The following PTPN6 variants were observed in gnomAD, a reference collection of about 807,000 sequenced individuals.
PTPN6 encodes the protein tyrosine-protein phosphatase non-receptor type 6.
PTPN6 carries 18 observed loss-of-function variants against 81.5 expected under a neutral mutation model. The observed-to-expected ratio is 0.22, with a 90% CI of 0.15 to 0.33. The LOEUF is 0.33. PTPN6 is among the 10% of genes least tolerant of loss of function. The probability of loss-of-function intolerance (pLI) is 1.00; values close to 1 mark genes in which losing one functional copy is unlikely to be tolerated. For synonymous variants in PTPN6, 301 were observed against 310.9 expected, an observed-to-expected ratio of 0.97 and a Z score of 0.33; for missense variants, 500 against 794.2, an observed-to-expected ratio of 0.63 and a Z score of 4.45.
Position 6,957,328 on chromosome 12 carries a change from G to A in PTPN6, c.1075-326G>A, listed in dbSNP as rs1340004768. The stretch of plus-strand genomic sequence containing the variant: ...GTCTCCCCCGGTCACCTGTCTCTGT[G>A]AGCTCCTCGAGGCACAGGGGCACAG... On this transcript the variant is annotated intron_variant, in intron 9 of 15. Coordinates refer to ENST00000318974, the MANE Select transcript of PTPN6 (RefSeq NM_002831.6). The surrounding 1 kb of genome is among the most constrained non-coding windows in gnomAD (Gnocchi z 6.5). Among the ~76,000 whole-genome samples, 4 of 152,216 alleles carry A rather than the reference G, an allele frequency of 2.6e-5. No homozygotes were observed. Among genetic ancestry groups the A allele is most frequent in the Admixed American group, 2.6e-4 (4 of 15,282 alleles).
upstream of PTPN6, among the ~76,000 whole-genome samples, chr12:6,948,570 AAAG>A (rs1185998628): frequency 6.6e-6 from 1 of 151,924 alleles, no homozygotes. Flanking sequence ...AAGGAAAGAA[AAAG>A]AAAAAGTGAC....
At chr12:6,949,538 G>A (rs1367272276), upstream of PTPN6, among the ~76,000 whole-genome samples, 1 of 152,154 alleles carries the variant, frequency 6.6e-6, no homozygotes, top group Non-Finnish European at 1.5e-5. Flanking sequence ...TAACATCTCT[G>A]AGTCTTAGTT....
chr12:6,946,955 C>A (rs193265251), upstream of PTPN6, among the ~76,000 whole-genome samples: 9 of 152,350 alleles, frequency 5.9e-5, no homozygotes, highest in Admixed American at 5.9e-4. Flanking sequence ...TTCCCCTGGA[C>A]AAGTGTGTAT....
chr12:6,951,577 C>A lies in PTPN6; in HGVS notation c.9-32C>A, dbSNP rs924528361. The stretch of plus-strand genomic sequence containing the variant: ...GCAAGGGTGCCTGGTGCCCACGGGA[C>A]CCCTCCTCACTGCCCTGCCTGGGCC... On this transcript the variant is annotated intron_variant, in intron 1 of 15. Transcript: ENST00000318974. The surrounding 1 kb of genome is among the most constrained non-coding windows in gnomAD (Gnocchi z 7.2). 2 of 1,613,784 alleles carry A rather than the reference C, an allele frequency of 1.2e-6. No homozygotes were observed. The highest frequency in any genetic ancestry group is 3.3e-4 in the Middle Eastern group (2 of 6,058).
At position 6,955,368 on chromosome 12, in the gene PTPN6, C is replaced by G; in HGVS notation, c.634-4C>G. 1.2e-6 allele frequency: 2 copies of G among 1,613,902 alleles called. 1 individual carries two copies. Among genetic ancestry groups the G allele is most frequent in the East Asian group, 4.5e-5 (2 of 44,864 alleles). On this transcript the variant is annotated splice_polypyrimidine_tract_variant and splice_region_variant and intron_variant, in intron 5 of 15. Coordinates refer to ENST00000318974, the MANE Select transcript of PTPN6 (RefSeq NM_002831.6). This position sits in a 1 kb window ranked among gnomAD's most constrained non-coding sequence, Gnocchi z 7.2. ...TGCTGACTTCTCGCTCTTCCCCACC[C>G]CAGCCGTACTATGCCACGAGGGTGA...
upstream of PTPN6, chr12:6,951,243 C>T: frequency 2.8e-6 from 4 of 1,433,130 alleles, no homozygotes; most frequent in South Asian, 1.5e-5. This position sits in a 1 kb window ranked among gnomAD's most constrained non-coding sequence, Gnocchi z 7.2. Flanking sequence ...CCCAGTGCCA[C>T]CCTGCTCTGC....
upstream of PTPN6, among the ~76,000 whole-genome samples, chr12:6,949,630 A>G (rs1211379923): frequency 4.6e-5 from 7 of 152,254 alleles, no homozygotes; most frequent in African/African-American, 1.7e-4. Flanking sequence ...AGCTGGCAGC[A>G]CTGAAACCCT....
upstream of PTPN6, among the ~76,000 whole-genome samples, chr12:6,947,210 A>G (rs1308269989): frequency 9.2e-5 from 14 of 152,208 alleles, no homozygotes; most frequent in African/African-American, 3.4e-4. Flanking sequence ...CGTGTTGAGC[A>G]TCTATTATGC....
chr12:6,947,663 T>G, upstream of PTPN6, among the ~76,000 whole-genome samples: 2 of 141,832 alleles, frequency 1.4e-5, no homozygotes. Flanking sequence ...AGTGAGACCT[T>G]GTCTCAAAAA....
At chr12:6,946,692 C>T, upstream of PTPN6, 1 of 1,601,112 alleles carries the variant, frequency 6.2e-7, no homozygotes. Context: ...CCCCCTGCGG[C>T]CCTCTGCCGT....
At position 6,956,108 on chromosome 12, in the gene PTPN6, C is replaced by T. The variant is rs1555148606; in HGVS notation, c.845-34C>T. On this transcript the variant is annotated intron_variant, in intron 7 of 15. Transcript: ENST00000318974. This position sits in a 1 kb window ranked among gnomAD's most constrained non-coding sequence, Gnocchi z 4.1. Reference sequence around the variant, plus strand: ...AGGTGTGGTGAGTCCCTGGCTAACCCAGACCATCTCGCCTCCTCTCCGCCC... The same window carrying T: ...AGGTGTGGTGAGTCCCTGGCTAACCTAGACCATCTCGCCTCCTCTCCGCCC... 1.2e-6 allele frequency: 2 copies of T among 1,611,376 alleles called. No homozygotes were observed. The highest frequency in any genetic ancestry group is 1.1e-5 in the South Asian group (1 of 91,012).
rs983316234 is a variant in PTPN6, at chr12:6,956,716, G to A, written c.1074+148G>A. On this transcript the variant is annotated intron_variant, in intron 9 of 15. Transcript: ENST00000318974. The surrounding 1 kb of genome is among the most constrained non-coding windows in gnomAD (Gnocchi z 4.1). ...AACTGAGGGCTAGTGACAAAGTCTC[G>A]ACTACACAACGTGACCCCCAGATCC... 4.6e-6 allele frequency: 5 copies of A among 1,096,398 alleles called. No homozygotes were observed. The highest frequency in any genetic ancestry group is 3.1e-5 in the African/African-American group (2 of 64,424). The allele number at this position is 1,096,398 out of a possible 1,614,324, so 67.9% of individuals were successfully genotyped here.
chr12:6,947,595 G>T (rs1183929537), upstream of PTPN6, among the ~76,000 whole-genome samples: 3 of 151,768 alleles, frequency 2.0e-5, no homozygotes, highest in Non-Finnish European at 4.4e-5. Context: ...CTTGAGCCTG[G>T]GAGGTCAAGG....
intron 11 of PTPN6, among the ~76,000 whole-genome samples, chr12:6,958,431 G>A (rs1379062728): frequency 2.6e-5 from 4 of 152,244 alleles, no homozygotes; most frequent in Non-Finnish European, 5.9e-5. Context: ...CGGCTGCTCC[G>A]CTTTCTCTCG....
At chr12:6,949,490 C>G (rs1039147614), upstream of PTPN6, among the ~76,000 whole-genome samples, 1 of 152,214 alleles carries the variant, frequency 6.6e-6, no homozygotes, top group Non-Finnish European at 1.5e-5. Context: ...GTTTTACCCA[C>G]CTTCCTACTC....
At position 6,960,233 on chromosome 12, in the gene PTPN6, C is replaced by T. The variant is rs1412986580; in HGVS notation, c.1575C>T (p.Val525=). The change falls in exon 13 of 16, where the codon GTC becomes GTT. Residue 525 remains valine, a synonymous_variant. Transcript: ENST00000318974. The surrounding 1 kb of genome is among the most constrained non-coding windows in gnomAD (Gnocchi z 6.1). ...FIETTKKKLE[V]LQSQKGQESE... is the part of the protein sequence containing the mutation. ...AAACCACTAAGAAGAAGCTGGAGGTCCTGCAGGTGCGTGCAGAGCAGGGCC... is the reference window on the plus strand; with the variant it reads ...AAACCACTAAGAAGAAGCTGGAGGTTCTGCAGGTGCGTGCAGAGCAGGGCC... 2.2e-5 allele frequency: 35 copies of T among 1,601,058 alleles called. No individual in the cohort carries two copies. The highest frequency in any genetic ancestry group is 2.7e-5 in the Non-Finnish European group (32 of 1,176,360).
At chr12:6,946,633 T>G (rs1423388239), upstream of PTPN6, 12 of 1,075,366 alleles carry the variant, frequency 1.1e-5, no homozygotes, top group East Asian at 5.0e-5. Context: ...CGGTTCTTCC[T>G]CACCTGGCTT....
At position 6,955,059 on chromosome 12, in the gene PTPN6, G is replaced by A; in HGVS notation, c.516+65G>A. Reference sequence around the variant, plus strand: ...CCTGTCTGTGACCACAGTGTGGGTGGCAGGGAGGGTCTGCCTGGGCTTGAA... The same window carrying A: ...CCTGTCTGTGACCACAGTGTGGGTGACAGGGAGGGTCTGCCTGGGCTTGAA... On this transcript the variant is annotated intron_variant, in intron 4 of 15. Coordinates refer to ENST00000318974, the MANE Select transcript of PTPN6 (RefSeq NM_002831.6). This position sits in a 1 kb window ranked among gnomAD's most constrained non-coding sequence, Gnocchi z 7.2. 6.2e-7 allele frequency: 1 copy of A among 1,608,850 alleles called. No individual in the cohort carries two copies. The highest frequency in any genetic ancestry group is 2.2e-5 in the East Asian group (1 of 44,864).
chr12:6,949,374 T>A (rs1010410456), upstream of PTPN6, among the ~76,000 whole-genome samples: 10 of 152,204 alleles, frequency 6.6e-5, no homozygotes, highest in Non-Finnish European at 1.2e-4. Flanking sequence ...TTCCTCCACC[T>A]TCCATCATGG....
Sources: allele counts gnomAD v4.1 joint callset (sites outside exome capture counted in the v4.1 genomes callset), GRCh38; gene constraint gnomAD v4.1.1; non-coding constraint Gnocchi (gnomAD v3.1); transcripts MANE v1.5; gene names NCBI Gene and HGNC (gene_info 2026-07-23, HGNC 2026-07-21).